Variants in CTNND2 observed in about 807,000 individuals in gnomAD.
CTNND2 encodes the protein catenin delta-2.
CTNND2 carries 22 observed loss-of-function variants against 144.4 expected under a neutral mutation model. That is an observed-to-expected ratio of 0.15 (90% CI 0.11 to 0.22). The LOEUF is 0.22. CTNND2 is among the 10% of genes least tolerant of loss of function. The pLI, the probability that CTNND2 is intolerant of heterozygous loss-of-function variation, is 1.00. For missense variants in CTNND2, 1,353 were observed against 1,618.8 expected, an observed-to-expected ratio of 0.84 and a Z score of 2.82; for synonymous variants, 751 against 695.6, an observed-to-expected ratio of 1.08 and a Z score of -1.25.
At chr5:11,353,157 A>G (rs937917473) in intron 8 of CTNND2, among the ~76,000 whole-genome samples, 2 of 149,934 alleles carry the variant, frequency 1.3e-5, no homozygotes, top group African/African-American at 4.9e-5. Flanking sequence ...GGAGCTTCCC[A>G]TTGTGCCAAC....
chr5:11,644,469 T>C (rs570493646), intron 2 of CTNND2, among the ~76,000 whole-genome samples: 20 of 152,138 alleles, frequency 1.3e-4, no homozygotes, highest in Admixed American at 5.2e-4. Context: ...GGTCAGGAGA[T>C]CAAGACCATC....
At chr5:11,556,771 A>G (rs2150093495) in intron 3 of CTNND2, among the ~76,000 whole-genome samples, 1 of 152,164 alleles carries the variant, frequency 6.6e-6, no homozygotes, top group Admixed American at 6.5e-5. Context: ...AAAGTTCAAT[A>G]GTTCAAAGGT....
At chr5:11,732,520 T>C (rs1390347501) in intron 1 of CTNND2, among the ~76,000 whole-genome samples, 1 of 152,162 alleles carries the variant, frequency 6.6e-6, no homozygotes, top group East Asian at 1.9e-4. Flanking sequence ...TGTTTTGTCT[T>C]TGAGGTAAAT....
At chr5:11,592,725 T>A (rs1779316405) in intron 2 of CTNND2, among the ~76,000 whole-genome samples, 1 of 150,648 alleles carries the variant, frequency 6.6e-6, no homozygotes, top group African/African-American at 2.4e-5. Context: ...TCAGCATGCT[T>A]TTCTGGGGGG....
At chr5:11,726,197 G>C (rs1787007678) in intron 2 of CTNND2, among the ~76,000 whole-genome samples, 1 of 151,918 alleles carries the variant, frequency 6.6e-6, no homozygotes. Flanking sequence ...CTGTGAAAAT[G>C]GAATCAATCT....
chr5:11,246,794 G>A (rs912414869), intron 9 of CTNND2, among the ~76,000 whole-genome samples: 1 of 152,086 alleles, frequency 6.6e-6, no homozygotes, highest in African/African-American at 2.4e-5. Flanking sequence ...TGACACCGGA[G>A]CTGAGTGGAG....
intron 2 of CTNND2, among the ~76,000 whole-genome samples, chr5:11,628,676 G>C (rs1019665400): frequency 4.6e-5 from 7 of 152,050 alleles, no homozygotes; most frequent in African/African-American, 1.7e-4. Flanking sequence ...GATGTATTAC[G>C]GCCAGACTAA....
chr5:11,802,397 G>A (rs542622745), intron 1 of CTNND2, among the ~76,000 whole-genome samples: 26 of 150,744 alleles, frequency 1.7e-4, no homozygotes, highest in South Asian at 6.3e-4. Context: ...GAGAAACCCC[G>A]TCCCTACTAA....
intron 1 of CTNND2, among the ~76,000 whole-genome samples, chr5:11,775,783 T>C (rs978942600): frequency 6.6e-6 from 1 of 152,194 alleles, no homozygotes; most frequent in Non-Finnish European, 1.5e-5. Context: ...TCCACTGGAA[T>C]CTGTGAATGT....
At chr5:11,340,824 C>A (rs1387321220) in intron 9 of CTNND2, among the ~76,000 whole-genome samples, 1 of 152,138 alleles carries the variant, frequency 6.6e-6, no homozygotes, top group African/African-American at 2.4e-5. Context: ...GCCTCAGTTT[C>A]CCCACATGTA....
intron 9 of CTNND2, among the ~76,000 whole-genome samples, chr5:11,264,862 C>T (rs907769339): frequency 7.2e-5 from 11 of 151,968 alleles, no homozygotes; most frequent in African/African-American, 1.4e-4. Flanking sequence ...GCCTGGGAGG[C>T]GGAGGTTGCA....
At chr5:11,021,679 C>T (rs933016728) in intron 17 of CTNND2, among the ~76,000 whole-genome samples, 9 of 152,044 alleles carry the variant, frequency 5.9e-5, no homozygotes, top group South Asian at 2.1e-4. Context: ...ACAGAAACTC[C>T]GAATCTTCTA....
At chr5:11,205,566 G>C (rs1737957146) in intron 10 of CTNND2, among the ~76,000 whole-genome samples, 1 of 151,876 alleles carries the variant, frequency 6.6e-6, no homozygotes, top group Non-Finnish European at 1.5e-5. Context: ...TGTAGAAATT[G>C]CAAGGTTATC....
intron 2 of CTNND2, among the ~76,000 whole-genome samples, chr5:11,605,746 C>G (rs546519718): frequency 6.6e-6 from 1 of 152,026 alleles, no homozygotes; most frequent in African/African-American, 2.4e-5. Flanking sequence ...CACTGGAAAT[C>G]TGGTGGTAGT....
intron 21 of CTNND2, among the ~76,000 whole-genome samples, chr5:10,978,324 C>T (rs1429479550): frequency 6.6e-6 from 1 of 152,154 alleles, no homozygotes; most frequent in African/African-American, 2.4e-5. Context: ...AGAGTGAAAA[C>T]ATGTCTTTTG....
rs145040202 is a variant in CTNND2, at chr5:11,505,124, A to C, written c.287+59820T>G. On this transcript the variant is annotated intron_variant, in intron 3 of 21. Coordinates refer to ENST00000304623, the MANE Select transcript of CTNND2 (RefSeq NM_001332.4). ...TGGTGCTTTTATAAAAACTAGGTCG[A>C]ATGTTTTGGAAAGGCACTATCAAAA... Among the ~76,000 whole-genome samples the C allele has an allele frequency of 5.3e-3, 813 of 152,250 alleles. 12 individuals are homozygous for C. The highest frequency in any genetic ancestry group is 0.019 in the African/African-American group (771 of 41,516).
intron 3 of CTNND2, among the ~76,000 whole-genome samples, chr5:11,444,704 A>C (rs1764651991): frequency 6.6e-6 from 1 of 152,220 alleles, no homozygotes; most frequent in South Asian, 2.1e-4. Flanking sequence ...TCTGTCTAAA[A>C]AAATAAAAAT....
intron 2 of CTNND2, among the ~76,000 whole-genome samples, chr5:11,628,827 C>A (rs1250266226): frequency 1.3e-5 from 2 of 151,492 alleles, no homozygotes; most frequent in African/African-American, 4.8e-5. Flanking sequence ...AAACACAAAA[C>A]ACAATGGCCA....
At chr5:11,282,587 G>C (rs1342395185) in intron 9 of CTNND2, among the ~76,000 whole-genome samples, 2 of 152,166 alleles carry the variant, frequency 1.3e-5, no homozygotes, top group Non-Finnish European at 2.9e-5. Flanking sequence ...TACACTGTTA[G>C]GGAACGACTG....
Sources: allele counts gnomAD v4.1 joint callset (sites outside exome capture counted in the v4.1 genomes callset), GRCh38; gene constraint gnomAD v4.1.1; transcripts MANE v1.5; gene names NCBI Gene and HGNC (gene_info 2026-07-23, HGNC 2026-07-21).